The following RGPD8 variants were observed in gnomAD, a reference collection of about 807,000 sequenced individuals.
RGPD8 encodes the protein RANBP2-like and GRIP domain-containing protein 8.
A neutral mutation model predicts 89.1 loss-of-function variants in RGPD8; 15 were observed. That is an observed-to-expected ratio of 0.17 (90% CI 0.11 to 0.26). The LOEUF (loss-of-function observed/expected upper bound fraction) is 0.26, where lower values mean the gene tolerates loss of function less well. Among genes scored for constraint, RGPD8 ranks in the 10% least tolerant of loss-of-function variants. RGPD8 has a pLI of 1.00. For missense variants in RGPD8, 178 were observed against 1,179.6 expected, an observed-to-expected ratio of 0.15 and a Z score of 12.44; for synonymous variants, 62 against 420.9, an observed-to-expected ratio of 0.15 and a Z score of 10.44.
rs1679445390 is a variant in RGPD8 at position 112,417,094 on chromosome 2, T to C, written c.782+99A>G. Reference sequence around the variant, plus strand: ...TTAACTATAACTCCTAGGTACATTATAGAAATAATGATTCAGTGAAGAAGT... The same window carrying C: ...TTAACTATAACTCCTAGGTACATTACAGAAATAATGATTCAGTGAAGAAGT... On this transcript the variant is annotated intron_variant, in intron 6 of 22. Transcript: ENST00000302558. The C allele has an allele frequency of 3.1e-6, 5 of 1,605,648 alleles. 1 individual carries two copies. The Admixed American group carries it at 5.0e-5, about 16-fold the overall frequency.
At chr2:112,416,026 G>T (rs2104818276) in intron 6 of RGPD8, among the ~76,000 whole-genome samples, 1 of 149,334 alleles carries the variant, frequency 6.7e-6, no homozygotes, top group South Asian at 2.1e-4. Context: ...GGAGGCGGAG[G>T]TTACAGTGAG....
intron 2 of RGPD8, 58 bp downstream of exon 2, chr2:112,424,182 A>C: frequency 6.5e-7 from 1 of 1,541,748 alleles, no homozygotes; most frequent in East Asian, 2.3e-5. Context: ...TTCAAAGAAG[A>C]AAATGAGAAA....
At chr2:112,429,277 C>G (rs1322882409) in intron 1 of RGPD8, among the ~76,000 whole-genome samples, 1 of 150,968 alleles carries the variant, frequency 6.6e-6, no homozygotes, top group Non-Finnish European at 1.5e-5. Flanking sequence ...AAAAATTAGC[C>G]GAGTGTTGTG....
At chr2:112,416,088 C>CAAAAAAAAAAAAAAAAAAAAA (rs1168507298) in intron 6 of RGPD8, among the ~76,000 whole-genome samples, 1 of 88,914 alleles carries the variant, frequency 1.1e-5, no homozygotes, top group Non-Finnish European at 2.1e-5. Flanking sequence ...GACTCCATCT[C>CAAAAAAAAAAAAAAAAAAAAA]AAAAAAAAAA....
At chr2:112,411,011 G>A (rs1363249075) in intron 7 of RGPD8, among the ~76,000 whole-genome samples, 2 of 152,030 alleles carry the variant, frequency 1.3e-5, no homozygotes, top group Non-Finnish European at 1.5e-5. Flanking sequence ...CTTGAACCCG[G>A]GAGGCAGAGG....
At chr2:112,415,265 G>T (rs1376308047) in intron 6 of RGPD8, among the ~76,000 whole-genome samples, 16 of 152,288 alleles carry the variant, frequency 1.1e-4, no homozygotes, top group Non-Finnish European at 1.6e-4. Context: ...GGCGCCTGTA[G>T]TCCCAGCTAC....
intron 4 of RGPD8, among the ~76,000 whole-genome samples, chr2:112,419,658 A>G (rs1236938597): frequency 6.6e-6 from 1 of 151,912 alleles, no homozygotes; most frequent in Non-Finnish European, 1.5e-5. Context: ...GAAAATCTTT[A>G]AAGAGTGCTT....
intron 1 of RGPD8, chr2:112,432,531 T>A (rs1273300193): frequency 1.0e-6 from 1 of 985,350 alleles, no homozygotes; most frequent in East Asian, 1.1e-4. Context: ...GATGCCTACC[T>A]TGTCACTCGA....
chr2:112,402,476 C>T (rs368976208), intron 9 of RGPD8, among the ~76,000 whole-genome samples: 7,303 of 96,452 alleles, frequency 0.076, 2 homozygotes, highest in Middle Eastern at 0.13. Context: ...GGTGACAGAG[C>T]GAGACTCTGT....
At position 112,425,379 on chromosome 2, in the gene RGPD8, G is replaced by A. The variant is rs1395097204; in HGVS notation, c.73-1072C>T. ...TATTTTACAGTCAAGGAGTCAAAAA[G>A]GCAGAAATAAATATTGAATTCTTCA... On this transcript the variant is annotated intron_variant, in intron 1 of 22. Coordinates refer to ENST00000302558, the MANE Select transcript of RGPD8 (RefSeq NM_001164463.1). Among the ~76,000 whole-genome samples the A allele has an allele frequency of 4.0e-4, 60 of 151,640 alleles. No homozygotes were observed. The South Asian group carries it at 0.012, about 31-fold the overall frequency.
chr2:112,433,575 C>T lies in RGPD8; in HGVS notation c.-122G>A, dbSNP rs1268303233. 1 of 1,066,244 alleles carries T rather than the reference C, an allele frequency of 9.4e-7. No homozygotes were observed. Among genetic ancestry groups the T allele is most frequent in the Non-Finnish European group, 1.3e-6 (1 of 754,970 alleles). 66.0% of individuals were successfully genotyped at this position (1,066,244 alleles called of 1,614,324 possible). On this transcript the variant is annotated 5_prime_UTR_variant, in exon 1 of 23. In the 5' UTR this introduces an upstream ATG that the reference lacks. Coordinates refer to ENST00000302558, the MANE Select transcript of RGPD8 (RefSeq NM_001164463.1). Reference sequence around the variant, plus strand: ...CAGCGGCGTAGCCGGCGGAGGCCCACTGTGACGAGCGTGCGGCGCCGCCCA... The same window carrying T: ...CAGCGGCGTAGCCGGCGGAGGCCCATTGTGACGAGCGTGCGGCGCCGCCCA...
intron 1 of RGPD8, among the ~76,000 whole-genome samples, chr2:112,426,492 G>A (rs562695123): frequency 1.9e-3 from 278 of 149,312 alleles, no homozygotes; most frequent in African/African-American, 6.4e-3. Context: ...CACGGGTGAC[G>A]CAGGTAAGTA....
At chr2:112,416,044 C>T (rs1161890584) in intron 6 of RGPD8, among the ~76,000 whole-genome samples, 1 of 143,084 alleles carries the variant, frequency 7.0e-6, no homozygotes, top group Non-Finnish European at 1.5e-5. Flanking sequence ...GAGCCAAGGT[C>T]GTGCCACTGC....
rs1295623710 is a variant in RGPD8 at position 112,433,231 on chromosome 2, G to C, written c.72+151C>G. On this transcript the variant is annotated intron_variant, in intron 1 of 22. Coordinates refer to ENST00000302558, the MANE Select transcript of RGPD8 (RefSeq NM_001164463.1). ...GACCCATCGAGGCCGCCGCCGGGCC[G>C]GGTGGAGGCCGCCGCCTCAACAGAG... 2.0e-5 allele frequency: 19 copies of C among 928,432 alleles called. 2 individuals are homozygous for C. The South Asian group carries it at 4.9e-4, about 24-fold the overall frequency. 57.5% of individuals were successfully genotyped at this position (928,432 alleles called of 1,614,324 possible). A position where few individuals can be genotyped will look rare whatever the true frequency, so the allele number is the denominator to read the frequency against.
At chr2:112,382,393 TAAA>T (rs1678342233) in intron 20 of RGPD8, among the ~76,000 whole-genome samples, 1 of 149,588 alleles carries the variant, frequency 6.7e-6, no homozygotes, top group Non-Finnish European at 1.5e-5. Context: ...TAATAGTAAT[TAAA>T]TAAGACAGTG....
At chr2:112,429,859 G>A (rs1348670724) in intron 1 of RGPD8, among the ~76,000 whole-genome samples, 1 of 152,056 alleles carries the variant, frequency 6.6e-6, no homozygotes, top group African/African-American at 2.4e-5. Flanking sequence ...ACAGGCTGGA[G>A]TGCAGTGGCG....
At chr2:112,424,344 A>C (rs1350101693) in intron 1 of RGPD8, 37 bp from the exon 2 acceptor site, 2 of 1,591,088 alleles carry the variant, frequency 1.3e-6, no homozygotes, top group Non-Finnish European at 1.7e-6. Context: ...TGTTTCATAC[A>C]GAAATATTTT....
chr2:112,431,920 G>A (rs1322327154), intron 1 of RGPD8, among the ~76,000 whole-genome samples: 2 of 152,212 alleles, frequency 1.3e-5, no homozygotes, highest in Non-Finnish European at 2.9e-5. Context: ...GATTACAGGC[G>A]TGAGCCACTG....
chr2:112,389,255 G>A lies in RGPD8; in HGVS notation c.3690C>T (p.Ala1230=). Residue 1230 remains alanine (A), a synonymous_variant, in exon 20 of 23, where the codon GCC becomes GCT. Coordinates refer to ENST00000302558, the MANE Select transcript of RGPD8 (RefSeq NM_001164463.1). Reference sequence around the variant, plus strand: ...CATTGGGTTTTATTGTTGTGTCTGAGGCACCGGCCACACCTGTACCTGAAC... The same window carrying A: ...CATTGGGTTTTATTGTTGTGTCTGAAGCACCGGCCACACCTGTACCTGAAC... ...NKGSGTGVAG[A]SDTTIKPNAE... The A allele has an allele frequency of 1.3e-6, 2 of 1,571,034 alleles. No homozygotes were observed. Among genetic ancestry groups the A allele is most frequent in the Non-Finnish European group, 1.7e-6 (2 of 1,150,038 alleles).
Sources: allele counts gnomAD v4.1 joint callset (sites outside exome capture counted in the v4.1 genomes callset), GRCh38; gene constraint gnomAD v4.1.1; transcripts MANE v1.5; gene names NCBI Gene and HGNC (gene_info 2026-07-23, HGNC 2026-07-21).